FGGY: variants seen among roughly 807,000 people sequenced by gnomAD.
The protein encoded by FGGY is FGGY carbohydrate kinase domain containing.
A neutral mutation model predicts 71.3 loss-of-function variants in FGGY; 72 were observed. The observed-to-expected ratio is 1.01, with a 90% CI of 0.84 to 1.23. FGGY has a LOEUF of 1.23. Ranked by LOEUF, FGGY falls within the 50% of genes most tolerant of loss-of-function variation. FGGY has a pLI of 0.00. For synonymous variants in FGGY, 251 were observed against 250.3 expected, an observed-to-expected ratio of 1.00 and a Z score of -0.02; for missense variants, 668 against 682.3, an observed-to-expected ratio of 0.98 and a Z score of 0.23.
At chr1:59,733,918 A>G (rs1573834130) in intron 14 of FGGY, among the ~76,000 whole-genome samples, 2 of 152,284 alleles carry the variant, frequency 1.3e-5, no homozygotes, top group East Asian at 1.9e-4. Flanking sequence ...AGCATCTCTC[A>G]TATCTGGGTG....
chr1:59,532,898 A>G (rs985338518), intron 7 of FGGY, among the ~76,000 whole-genome samples: 18 of 152,204 alleles, frequency 1.2e-4, no homozygotes, highest in Admixed American at 2.6e-4. Context: ...ATTAAAATTA[A>G]TAAGTAATTT....
chr1:59,558,186 C>G (rs1394979821), intron 8 of FGGY, among the ~76,000 whole-genome samples: 1 of 152,124 alleles, frequency 6.6e-6, no homozygotes. Flanking sequence ...TGACTTGGCA[C>G]TGTACCTGGC....
At chr1:59,498,578 G>C (rs1204832172) in intron 6 of FGGY, among the ~76,000 whole-genome samples, 1 of 152,050 alleles carries the variant, frequency 6.6e-6, no homozygotes, top group Non-Finnish European at 1.5e-5. Context: ...AGGGAGGATG[G>C]CTGGGCTCCA....
At chr1:59,323,312 T>C (rs2046743907) in intron 2 of FGGY, among the ~76,000 whole-genome samples, 1 of 152,180 alleles carries the variant, frequency 6.6e-6, no homozygotes, top group Non-Finnish European at 1.5e-5. Context: ...CATCTCCCAG[T>C]GGTGGCCAAC....
chr1:59,564,252 C>A (rs1262620154), intron 8 of FGGY, among the ~76,000 whole-genome samples: 1 of 152,198 alleles, frequency 6.6e-6, no homozygotes, highest in African/African-American at 2.4e-5. Flanking sequence ...AGTGAACGGG[C>A]AACCTACAAA....
intron 5 of FGGY, among the ~76,000 whole-genome samples, chr1:59,444,123 G>A (rs1449562488): frequency 6.6e-6 from 1 of 152,134 alleles, no homozygotes; most frequent in African/African-American, 2.4e-5. Context: ...ACCATCACAA[G>A]GCAGCCCCAT....
intron 8 of FGGY, among the ~76,000 whole-genome samples, chr1:59,556,037 G>T (rs367563202): frequency 2.5e-4 from 38 of 152,284 alleles, no homozygotes; most frequent in African/African-American, 8.4e-4. Context: ...TATTTCTTCT[G>T]CTCAGCAGCC....
At chr1:59,500,458 A>G (rs567490765) in intron 6 of FGGY, among the ~76,000 whole-genome samples, 9 of 152,232 alleles carry the variant, frequency 5.9e-5, no homozygotes, top group African/African-American at 1.9e-4. Flanking sequence ...AATACATATT[A>G]TAGGAATAAA....
chr1:59,650,962 G>T (rs868607366), intron 11 of FGGY, among the ~76,000 whole-genome samples: 1 of 151,102 alleles, frequency 6.6e-6, no homozygotes, highest in Non-Finnish European at 1.5e-5. Context: ...CTTTGTTCTC[G>T]TTGGTTTCAA....
chr1:59,716,106 G>A (rs1439120177), intron 14 of FGGY, among the ~76,000 whole-genome samples: 1 of 152,162 alleles, frequency 6.6e-6, no homozygotes, highest in East Asian at 1.9e-4. Flanking sequence ...TTTTAAGTAG[G>A]TTAGCTGGGG....
intron 5 of FGGY, among the ~76,000 whole-genome samples, chr1:59,438,049 T>G (rs2068872112): frequency 6.6e-6 from 1 of 152,244 alleles, no homozygotes; most frequent in African/African-American, 2.4e-5. Flanking sequence ...GAAATACGAC[T>G]GCTACTGATA....
At chr1:59,436,077 C>T (rs745531669) in intron 5 of FGGY, among the ~76,000 whole-genome samples, 12 of 152,164 alleles carry the variant, frequency 7.9e-5, no homozygotes, top group African/African-American at 2.2e-4. Context: ...CTCCCTACCG[C>T]GCTCAGGTTG....
chr1:59,744,859 G>T (rs933505237), intron 14 of FGGY, among the ~76,000 whole-genome samples: 1 of 152,204 alleles, frequency 6.6e-6, no homozygotes, highest in Non-Finnish European at 1.5e-5. Flanking sequence ...GTGGGGAGAC[G>T]TAAGAAAACA....
intron 14 of FGGY, 62 bp downstream of exon 14, chr1:59,674,195 G>A: frequency 7.9e-7 from 1 of 1,263,770 alleles, no homozygotes; most frequent in Non-Finnish European, 1.1e-6. Flanking sequence ...CCTTCCTCTT[G>A]ACAGCAGCTC....
At chr1:59,561,693 A>G (rs532527692) in intron 8 of FGGY, among the ~76,000 whole-genome samples, 1 of 152,238 alleles carries the variant, frequency 6.6e-6, no homozygotes, top group Non-Finnish European at 1.5e-5. Context: ...TAGGCACCAT[A>G]CTGTCCCTCA....
At chr1:59,435,020 G>A (rs1440634670) in intron 5 of FGGY, among the ~76,000 whole-genome samples, 1 of 152,152 alleles carries the variant, frequency 6.6e-6, no homozygotes, top group East Asian at 1.9e-4. Context: ...CAGATGCGGG[G>A]CAGATAAAGA....
intron 5 of FGGY, among the ~76,000 whole-genome samples, chr1:59,429,507 T>C (rs977309402): frequency 6.6e-6 from 1 of 152,210 alleles, no homozygotes; most frequent in Admixed American, 6.5e-5. Flanking sequence ...CCTCAAATGG[T>C]AAATATCAGG....
intron 14 of FGGY, among the ~76,000 whole-genome samples, chr1:59,690,299 T>G (rs1017323622): frequency 3.3e-5 from 5 of 152,140 alleles, no homozygotes; most frequent in African/African-American, 1.2e-4. Flanking sequence ...ATTGGCTCAC[T>G]TAGTCCTCAC....
chr1:59,701,813 G>C (rs1404524763), intron 14 of FGGY, among the ~76,000 whole-genome samples: 1 of 152,172 alleles, frequency 6.6e-6, no homozygotes, highest in African/African-American at 2.4e-5. Context: ...CATGAACTCA[G>C]AGGTGAACTC....
Sources: allele counts gnomAD v4.1 joint callset (sites outside exome capture counted in the v4.1 genomes callset), GRCh38; gene constraint gnomAD v4.1.1; transcripts MANE v1.5; gene names NCBI Gene and HGNC (gene_info 2026-07-23, HGNC 2026-07-21).